Variants in KIF23 observed in about 807,000 individuals in gnomAD.
The protein encoded by KIF23 is kinesin family member 23.
KIF23 carries 30 observed loss-of-function variants against 137.5 expected under a neutral mutation model. The observed-to-expected ratio is 0.22, with a 90% CI of 0.16 to 0.30. KIF23 has a LOEUF of 0.30. Ranked by LOEUF, KIF23 falls within the 10% of genes least tolerant of loss-of-function variation. The pLI is 1.00. For synonymous variants in KIF23, 367 were observed against 391.1 expected (o/e 0.94, Z 0.73); for missense variants, 920 against 1,194.3 (o/e 0.77, Z 3.38).
chr15:69,435,256 G>A (rs903618413), intron 11 of KIF23: 43 of 535,918 alleles, frequency 8.0e-5, no homozygotes, highest in Middle Eastern at 9.6e-4. Context: ...GGAAAATCCT[G>A]TTGGTAGAAT....
chr15:69,442,487 T>G (rs1415606934), intron 19 of KIF23, among the ~76,000 whole-genome samples: 2 of 152,208 alleles, frequency 1.3e-5, no homozygotes, highest in African/African-American at 4.8e-5. Flanking sequence ...CTTATATAAG[T>G]CAGGGTATAG....
intron 10 of KIF23, 129 bp downstream of exon 10, chr15:69,426,586 T>C (rs989560681): frequency 2.2e-6 from 2 of 907,874 alleles, no homozygotes; most frequent in Non-Finnish European, 3.4e-6. Flanking sequence ...GGCATGGTGA[T>C]GCACCACTCC....
chr15:69,426,717 C>T, intron 10 of KIF23: 2 of 362,792 alleles, frequency 5.5e-6, no homozygotes, highest in Non-Finnish European at 1.0e-5. Flanking sequence ...GAGACCCTGT[C>T]TTGAAAAAAA....
At chr15:69,442,920 A>T (rs563360012) in intron 19 of KIF23, among the ~76,000 whole-genome samples, 1 of 152,336 alleles carries the variant, frequency 6.6e-6, no homozygotes, top group South Asian at 2.1e-4. Flanking sequence ...AGTGAGGAAA[A>T]AATTTAAATA....
Position 69,422,505 on chromosome 15 carries a change from A to T in KIF23, c.563+70A>T. Reference sequence around the variant, plus strand: ...ATTCTTTCCTGTGGTTTGCCCAGACATGAGGAATGGTGAACATTAAATAGA... The same window carrying T: ...ATTCTTTCCTGTGGTTTGCCCAGACTTGAGGAATGGTGAACATTAAATAGA... On this transcript the variant is annotated intron_variant, in intron 6 of 23. Transcript: ENST00000679126. 3 of 854,522 alleles carry T rather than the reference A, an allele frequency of 3.5e-6. No homozygotes were observed. In the South Asian group the frequency reaches 4.2e-5, roughly 12 times the overall value. The allele number at this position is 854,522 out of a possible 1,614,324, so 52.9% of individuals were successfully genotyped here. A position where few individuals can be genotyped will look rare whatever the true frequency, so the allele number is the denominator to read the frequency against.
At chr15:69,437,872 G>A (rs1344232624) in intron 15 of KIF23, among the ~76,000 whole-genome samples, 3 of 152,050 alleles carry the variant, frequency 2.0e-5, no homozygotes, top group South Asian at 2.1e-4. Context: ...TAATTAACTC[G>A]CCTAAGTCAT....
At position 69,445,550 on chromosome 15, in the gene KIF23, C is replaced by CAAA. The variant is rs111742083; in HGVS notation, c.2674-448_2674-446dup. On this transcript the variant is annotated intron_variant, in intron 20 of 23. Coordinates refer to ENST00000679126, the MANE Select transcript of KIF23 (RefSeq NM_001367805.3). ...TAATCAGGAAAGTAAAAGATAAGACCAAAAAAAAAAAAAGCTTTTTATTTC... is the reference window on the plus strand; with the variant it reads ...TAATCAGGAAAGTAAAAGATAAGACCAAAAAAAAAAAAAAAAGCTTTTTATTTC... 3.4e-3 allele frequency among the ~76,000 whole-genome samples: 494 copies of CAAA among 144,202 alleles called. 5 individuals are homozygous for CAAA. The highest frequency in any genetic ancestry group is 0.012 in the African/African-American group (462 of 39,350). The allele number at this position is 144,202 out of a possible 152,430, so 94.6% of individuals were successfully genotyped here.
rs1356154647 is a variant in KIF23 at position 69,423,261 on chromosome 15, T to C, written c.666T>C (p.Tyr222=). ...GTGTCTATGGTGTATTTGTCTCTTA[T>C]ATTGAAATATATAATAATTACATAT... is the stretch of plus-strand genomic sequence containing the variant. The part of the protein sequence containing the change: ...EDSVYGVFVS[Y]IEIYNNYIYD... Residue 222 remains tyrosine (Y), a synonymous_variant, in exon 7 of 24, where the codon TAT becomes TAC. Transcript: ENST00000679126. The C allele has an allele frequency of 6.3e-7, 1 of 1,586,250 alleles. No individual in the cohort carries two copies.
chr15:69,436,070 T>C, intron 13 of KIF23, 68 bp from the exon 14 acceptor site: 1 of 1,572,356 alleles, frequency 6.4e-7, no homozygotes, highest in South Asian at 1.2e-5. Context: ...AATCTTTGCT[T>C]CATTTAGTAA....
Position 69,441,018 on chromosome 15 carries a change from G to T in KIF23, c.2360G>T (p.Gly787Val), listed in dbSNP as rs1427121049. ...DRRRGMYWTE[G>V]REVVPTFRNE... ...AGGCGAGGGATGTACTGGACTGAAGGCAGGGAGGTGGTTCCTACATTCAGA... is the reference window on the plus strand; with the variant it reads ...AGGCGAGGGATGTACTGGACTGAAGTCAGGGAGGTGGTTCCTACATTCAGA... Residue 787 changes from glycine (G) to valine (V), a missense_variant, in exon 19 of 24, where the codon GGC becomes GTC. Gly to Val is a moderately radical substitution (Grantham distance 109). Around this residue, in one of 4 missense-constraint regions of KIF23, gnomAD observed 714 missense variants for 866.2 expected, o/e 0.82. Transcript: ENST00000679126. The T allele has an allele frequency of 1.1e-5, 17 of 1,614,018 alleles. No individual in the cohort carries two copies. The highest frequency in any genetic ancestry group is 1.4e-5 in the Non-Finnish European group (16 of 1,179,988).
intron 11 of KIF23, chr15:69,434,500 G>T: frequency 4.4e-6 from 3 of 681,020 alleles, no homozygotes; most frequent in South Asian, 3.2e-5. Flanking sequence ...ATCTCATACT[G>T]ACCACGCCGT....
At position 69,420,156 on chromosome 15, in the gene KIF23, C is replaced by T. The variant is rs576276719; in HGVS notation, c.211-1491C>T. 1.3e-4 allele frequency among the ~76,000 whole-genome samples: 20 copies of T among 152,022 alleles called. No individual in the cohort carries two copies. The East Asian group carries it at 1.4e-3, about 10-fold the overall frequency. On this transcript the variant is annotated intron_variant, in intron 3 of 23. Transcript: ENST00000679126. The stretch of plus-strand genomic sequence containing the variant: ...GCATGCGCCTGTAATCACAGCTACT[C>T]GGGAGGCTGAGGCAGGAGTATTGCT...
chr15:69,429,364 G>C, intron 11 of KIF23, 151 bp downstream of exon 11: 1 of 618,470 alleles, frequency 1.6e-6, no homozygotes, highest in Non-Finnish European at 2.8e-6. Context: ...GAATGCAGTG[G>C]TGTGATCATG....
At chr15:69,419,771 G>A (rs1422071449) in intron 3 of KIF23, among the ~76,000 whole-genome samples, 1 of 152,180 alleles carries the variant, frequency 6.6e-6, no homozygotes, top group Non-Finnish European at 1.5e-5. Context: ...AGAATGAATG[G>A]TCTGGGAGGG....
intron 1 of KIF23, chr15:69,415,010 TC>T (rs2056861792): frequency 6.5e-6 from 1 of 152,914 alleles, no homozygotes; most frequent in Non-Finnish European, 1.5e-5. Context: ...GCCGAGCCCA[TC>T]CGCTTACACA....
At position 69,423,480 on chromosome 15, in the gene KIF23, T is replaced by C. The variant is rs2057113701; in HGVS notation, c.734+151T>C. On this transcript the variant is annotated intron_variant, in intron 7 of 23. Transcript: ENST00000679126. ...ATAATTTGTATATCACGTGGTTTTG[T>C]GTTTGAGTATGTTTATTATTAACTA... The C allele has an allele frequency of 7.5e-6, 4 of 536,004 alleles. No homozygotes were observed. The South Asian group carries it at 9.1e-5, about 12-fold the overall frequency. 33.2% of individuals were successfully genotyped at this position (536,004 alleles called of 1,614,324 possible). A position where few individuals can be genotyped will look rare whatever the true frequency, so the allele number is the denominator to read the frequency against.
At chr15:69,437,026 A>G (rs936112577) in intron 15 of KIF23, among the ~76,000 whole-genome samples, 3 of 152,208 alleles carry the variant, frequency 2.0e-5, no homozygotes, top group African/African-American at 7.2e-5. Context: ...AAGTGCTGGG[A>G]TTACAGGCAT....
chr15:69,428,404 C>A (rs1184379555), intron 10 of KIF23, among the ~76,000 whole-genome samples: 1 of 151,744 alleles, frequency 6.6e-6, no homozygotes, highest in Non-Finnish European at 1.5e-5. Context: ...CCCTGTAATC[C>A]CAAGCACTTT....
At chr15:69,441,226 T>G in intron 19 of KIF23, 147 bp downstream of exon 19, 2 of 786,826 alleles carry the variant, frequency 2.5e-6, no homozygotes, top group Non-Finnish European at 3.9e-6. Context: ...AAAGATTGAC[T>G]TACGGAAATT....
Sources: allele counts gnomAD v4.1 joint callset (sites outside exome capture counted in the v4.1 genomes callset), GRCh38; gene constraint gnomAD v4.1.1; regional missense constraint gnomAD v4.1.1; transcripts MANE v1.5; gene names NCBI Gene and HGNC (gene_info 2026-07-23, HGNC 2026-07-21).